The following PABPC4L variants were observed in gnomAD, a reference collection of about 807,000 sequenced individuals.
PABPC4L encodes poly(A) binding protein cytoplasmic 4 like, also known as polyadenylate-binding protein 4-like.
For missense variants in PABPC4L, 452 were observed against 451.4 expected, an observed-to-expected ratio of 1.00 and a Z score of -0.01; for synonymous variants, 169 against 164.1, an observed-to-expected ratio of 1.03 and a Z score of -0.23.
the PABPC4L span, among the ~76,000 whole-genome samples, chr4:133,975,485 G>A: frequency 3.3e-5 from 5 of 152,128 alleles, no homozygotes; most frequent in South Asian, 2.1e-4. Flanking sequence ...TTTATATTAC[G>A]TGAATTATAT....
chr4:134,045,352 C>T, the PABPC4L span, among the ~76,000 whole-genome samples: 1 of 152,150 alleles, frequency 6.6e-6, no homozygotes, highest in South Asian at 2.1e-4. Flanking sequence ...GCAATATCTC[C>T]TGTTCCTACA....
chr4:134,171,514 G>A, the PABPC4L span, among the ~76,000 whole-genome samples: 2 of 152,072 alleles, frequency 1.3e-5, no homozygotes, highest in South Asian at 4.1e-4. Flanking sequence ...AGAGATTCCG[G>A]ATCCTAGCTG....
chr4:134,008,820 A>C, the PABPC4L span, among the ~76,000 whole-genome samples: 1 of 151,804 alleles, frequency 6.6e-6, no homozygotes, highest in Non-Finnish European at 1.5e-5. Flanking sequence ...ATCTTGACAA[A>C]GGTGCTCTTA....
chr4:134,187,807 T>A, the PABPC4L span, among the ~76,000 whole-genome samples: 2 of 152,236 alleles, frequency 1.3e-5, no homozygotes, highest in African/African-American at 2.4e-5. Context: ...ACTTTTAATT[T>A]ACTGTGACTT....
the PABPC4L span, among the ~76,000 whole-genome samples, chr4:134,118,243 A>G: frequency 6.6e-6 from 1 of 151,810 alleles, no homozygotes; most frequent in Non-Finnish European, 1.5e-5. Flanking sequence ...GAGTTCCTGT[A>G]AAGGATGTCT....
At chr4:134,166,362 T>TA in the PABPC4L span, among the ~76,000 whole-genome samples, 3 of 152,014 alleles carry the variant, frequency 2.0e-5, no homozygotes, top group African/African-American at 7.2e-5. Context: ...ACCATAGAAA[T>TA]AAAAATAAAA....
chr4:134,183,966 A>T, the PABPC4L span, among the ~76,000 whole-genome samples: 1 of 151,546 alleles, frequency 6.6e-6, no homozygotes, highest in African/African-American at 2.4e-5. Context: ...ATTGAGTGCG[A>T]TTGTAGAACT....
At chr4:134,127,461 G>A in the PABPC4L span, among the ~76,000 whole-genome samples, 2 of 151,998 alleles carry the variant, frequency 1.3e-5, no homozygotes, top group South Asian at 2.1e-4. Context: ...ACCTGAAGAC[G>A]GCTCACATCA....
the PABPC4L span, among the ~76,000 whole-genome samples, chr4:134,153,625 A>C: frequency 4.0e-5 from 6 of 150,960 alleles, no homozygotes; most frequent in East Asian, 6.0e-4. Context: ...GTTTAAATAC[A>C]AGCATATTTA....
chr4:134,080,955 AG>A, the PABPC4L span, among the ~76,000 whole-genome samples: 1 of 152,278 alleles, frequency 6.6e-6, no homozygotes, highest in Admixed American at 6.5e-5. Flanking sequence ...CTAAGTTCTA[AG>A]GCAAAATCAA....
the PABPC4L span, among the ~76,000 whole-genome samples, chr4:134,029,179 T>C: frequency 2.6e-5 from 4 of 152,120 alleles, no homozygotes; most frequent in African/African-American, 4.8e-5. Context: ...ATGCTATAGA[T>C]AATGAGAAAT....
the PABPC4L span, among the ~76,000 whole-genome samples, chr4:134,101,946 T>C: frequency 6.6e-6 from 1 of 151,586 alleles, no homozygotes; most frequent in African/African-American, 2.4e-5. Flanking sequence ...ACCATATTAC[T>C]ATCCAGACTA....
At chr4:134,038,913 C>T in the PABPC4L span, among the ~76,000 whole-genome samples, 2 of 151,948 alleles carry the variant, frequency 1.3e-5, no homozygotes, top group African/African-American at 4.8e-5. Context: ...AATTGTGATG[C>T]TAGAATGTCG....
chr4:134,012,496 G>A, the PABPC4L span, among the ~76,000 whole-genome samples: 11 of 152,078 alleles, frequency 7.2e-5, no homozygotes, highest in Non-Finnish European at 5.9e-5. Context: ...CCTGTAAAAC[G>A]GTCCCACCTC....
At chr4:134,078,851 C>G in the PABPC4L span, among the ~76,000 whole-genome samples, 10 of 148,580 alleles carry the variant, frequency 6.7e-5, no homozygotes, top group South Asian at 6.4e-4. Flanking sequence ...TTTTTTTAGT[C>G]GAGACGGGGT....
chr4:134,047,784 T>C, the PABPC4L span, among the ~76,000 whole-genome samples: 1 of 145,034 alleles, frequency 6.9e-6, no homozygotes, highest in Non-Finnish European at 1.5e-5. Context: ...TCTAAACTTG[T>C]GTTTTTTTCT....
At chr4:133,959,905 G>A in the PABPC4L span, among the ~76,000 whole-genome samples, 39 of 152,132 alleles carry the variant, frequency 2.6e-4, no homozygotes, top group Non-Finnish European at 4.4e-4. Flanking sequence ...ATTGGCTGAC[G>A]TATTTAAAAT....
At chr4:134,120,037 G>A in the PABPC4L span, among the ~76,000 whole-genome samples, 1 of 151,398 alleles carries the variant, frequency 6.6e-6, no homozygotes, top group Non-Finnish European at 1.5e-5. Flanking sequence ...ATACTGCTCT[G>A]GACATTCTTT....
At chr4:133,952,503 G>A in the PABPC4L span, among the ~76,000 whole-genome samples, 5 of 152,104 alleles carry the variant, frequency 3.3e-5, no homozygotes, top group Non-Finnish European at 7.3e-5. Flanking sequence ...GAGAATTGGA[G>A]TGTTGTATGG....
Sources: gnomAD v4.1 joint callset for allele counts (sites outside exome capture counted in the v4.1 genomes callset) on GRCh38, gnomAD v4.1.1 for gene constraint, MANE v1.5 for transcripts, NCBI Gene and HGNC (gene_info 2026-07-23, HGNC 2026-07-21) for gene names.